ULK4: variants seen among roughly 807,000 people sequenced by gnomAD.
ULK4 encodes unc-51 like kinase 4.
ULK4 carries 133 observed loss-of-function variants against 160.6 expected under a neutral mutation model. The observed-to-expected ratio is 0.83, with a 90% CI of 0.72 to 0.96. The LOEUF is 0.96. Among genes scored for constraint, ULK4 ranks in the 40% least tolerant of loss-of-function variants. The probability of loss-of-function intolerance (pLI) is 0.00; values close to 1 mark genes in which losing one functional copy is unlikely to be tolerated. For synonymous variants in ULK4, 534 were observed against 539.8 expected (o/e 0.99, Z 0.15); for missense variants, 1,580 against 1,499.5 (o/e 1.05, Z -0.89).
chr3:41,790,563 C>T (rs890383452), intron 20 of ULK4, among the ~76,000 whole-genome samples: 1 of 152,128 alleles, frequency 6.6e-6, no homozygotes, highest in Non-Finnish European at 1.5e-5. Context: ...GACGCTGAGC[C>T]AGTTTTTGAA....
intron 32 of ULK4, among the ~76,000 whole-genome samples, chr3:41,496,016 A>T (rs986059518): frequency 2.0e-5 from 3 of 152,258 alleles, no homozygotes; most frequent in African/African-American, 7.2e-5. Context: ...TTCTGTAGTG[A>T]AATACAACAT....
intron 32 of ULK4, among the ~76,000 whole-genome samples, chr3:41,511,037 C>T (rs934636792): frequency 2.0e-5 from 3 of 151,986 alleles, no homozygotes; most frequent in Non-Finnish European, 4.4e-5. Context: ...GTGGCATGCA[C>T]CTGCAGTCCC....
At chr3:41,459,372 C>T (rs1045595700) in intron 33 of ULK4, among the ~76,000 whole-genome samples, 10 of 152,124 alleles carry the variant, frequency 6.6e-5, no homozygotes, top group Admixed American at 1.3e-4. Flanking sequence ...CAGCCCAGTT[C>T]CTGTCGTTAT....
chr3:41,302,591 C>T (rs564078577), intron 35 of ULK4, among the ~76,000 whole-genome samples: 30 of 152,264 alleles, frequency 2.0e-4, no homozygotes, highest in African/African-American at 5.1e-4. Context: ...TTTAACTATC[C>T]GCAAAGTTCT....
At chr3:41,515,366 C>T (rs79785100) in intron 32 of ULK4, among the ~76,000 whole-genome samples, 2 of 151,638 alleles carry the variant, frequency 1.3e-5, no homozygotes, top group African/African-American at 4.8e-5. Context: ...TAATAGAATA[C>T]TATATAGTAA....
intron 1 of ULK4, chr3:41,955,754 G>A (rs1238635200): frequency 6.9e-6 from 1 of 145,398 alleles, no homozygotes; most frequent in Non-Finnish European, 1.5e-5. Context: ...TGGCCACAAA[G>A]AAGGACTGAG....
At position 41,954,626 on chromosome 3, in the gene ULK4, T is replaced by C. The variant is rs1247752024; in HGVS notation, c.134A>G (p.Asn45Ser). 21 of 1,612,644 alleles carry C rather than the reference T, an allele frequency of 1.3e-5. No individual in the cohort carries two copies. The highest frequency in any genetic ancestry group is 1.5e-5 in the Non-Finnish European group (18 of 1,179,418). ...TDKCKRPEIT[N>S]WVRLTREIKH... The stretch of plus-strand genomic sequence containing the variant: ...AATGGAAATACACTGACTTACCCAG[T>C]TGGTTATTTCAGGCCTTTTGCACTT... The change falls in exon 2 of 37, where the codon AAC becomes AGC. Residue 45 changes from asparagine to serine, a missense_variant. Physicochemically the swap from Asn to Ser is conservative, Grantham distance 46. Transcript: ENST00000301831.
chr3:41,441,225 A>G (rs2083159615), intron 34 of ULK4, among the ~76,000 whole-genome samples: 1 of 152,086 alleles, frequency 6.6e-6, no homozygotes, highest in Non-Finnish European at 1.5e-5. Flanking sequence ...CTTTTAAGGT[A>G]GAAACTAAGG....
chr3:41,805,405 A>T (rs1459475510), intron 19 of ULK4, among the ~76,000 whole-genome samples: 1 of 145,250 alleles, frequency 6.9e-6, no homozygotes, highest in Admixed American at 6.8e-5. Flanking sequence ...GGGTTTTCTA[A>T]ATATACAATC....
intron 18 of ULK4, among the ~76,000 whole-genome samples, chr3:41,831,864 G>A (rs998683155): frequency 2.6e-5 from 4 of 152,134 alleles, no homozygotes; most frequent in Admixed American, 2.6e-4. Context: ...CCATGGCCCT[G>A]CAAATGATAT....
chr3:41,639,417 C>T (rs2034093690), intron 30 of ULK4, among the ~76,000 whole-genome samples: 1 of 152,128 alleles, frequency 6.6e-6, no homozygotes, highest in African/African-American at 2.4e-5. Flanking sequence ...GTTGTAAACT[C>T]TAGTCAAACA....
chr3:41,645,979 T>C (rs1394338920), intron 30 of ULK4, among the ~76,000 whole-genome samples: 1 of 152,210 alleles, frequency 6.6e-6, no homozygotes, highest in African/African-American at 2.4e-5. Flanking sequence ...TCTTTGTTGG[T>C]TTAAAGTCTG....
intron 30 of ULK4, among the ~76,000 whole-genome samples, chr3:41,624,039 A>C (rs1440121704): frequency 6.6e-6 from 1 of 152,214 alleles, no homozygotes; most frequent in East Asian, 1.9e-4. Flanking sequence ...CAATGAAAAC[A>C]GTTTTGGTGA....
intron 22 of ULK4, 132 bp downstream of exon 22, chr3:41,754,229 G>A: frequency 4.9e-6 from 5 of 1,013,612 alleles, no homozygotes; most frequent in Non-Finnish European, 7.0e-6. Context: ...GATTACAGGT[G>A]AAATATTAAG....
intron 11 of ULK4, among the ~76,000 whole-genome samples, chr3:41,909,045 T>G (rs184010827): frequency 7.3e-6 from 1 of 136,920 alleles, no homozygotes; most frequent in African/African-American, 2.7e-5. Flanking sequence ...GTGAGCCAAG[T>G]TCAAGCCACT....
At chr3:41,893,395 T>A (rs142669135) in intron 16 of ULK4, among the ~76,000 whole-genome samples, 146 of 152,320 alleles carry the variant, frequency 9.6e-4, no homozygotes, top group African/African-American at 3.2e-3. Context: ...TAAAAGGATA[T>A]ACAATTTGAT....
intron 35 of ULK4, among the ~76,000 whole-genome samples, chr3:41,267,304 G>A (rs2079057844): frequency 6.6e-6 from 1 of 152,010 alleles, no homozygotes; most frequent in South Asian, 2.1e-4. Context: ...GAGGATGATG[G>A]CTTCCAGCTT....
chr3:41,881,328 A>ATGG (rs1697513214), intron 17 of ULK4, among the ~76,000 whole-genome samples: 1 of 149,762 alleles, frequency 6.7e-6, no homozygotes, highest in South Asian at 2.1e-4. Context: ...AAGATGAAAC[A>ATGG]TGGTACCATG....
At chr3:41,877,249 TGTTA>T (rs1386523896) in intron 17 of ULK4, among the ~76,000 whole-genome samples, 2 of 152,188 alleles carry the variant, frequency 1.3e-5, no homozygotes, top group Admixed American at 6.5e-5. Context: ...GTAGTTTTGT[TGTTA>T]GTAACAATAC....
Sources: allele counts gnomAD v4.1 joint callset (sites outside exome capture counted in the v4.1 genomes callset), GRCh38; gene constraint gnomAD v4.1.1; transcripts MANE v1.5; gene names NCBI Gene and HGNC (gene_info 2026-07-23, HGNC 2026-07-21).